CHRNB3: variants seen among roughly 807,000 people sequenced by gnomAD.
CHRNB3 encodes the protein neuronal acetylcholine receptor subunit beta-3.
A neutral mutation model predicts 40.6 loss-of-function variants in CHRNB3; 37 were observed. The ratio of observed to expected loss-of-function variants is 0.91; its 90% confidence interval spans 0.70 to 1.20. The LOEUF is 1.20. CHRNB3 is among the 50% of genes most tolerant of loss of function. The pLI, the probability that CHRNB3 is intolerant of heterozygous loss-of-function variation, is 0.00. For synonymous variants in CHRNB3, 207 were observed against 207.1 expected, an observed-to-expected ratio of 1.00 and a Z score of 0.00; for missense variants, 505 against 551.2, an observed-to-expected ratio of 0.92 and a Z score of 0.84.
At chr8:42,724,672 A>T (rs1451733240) in intron 3 of CHRNB3, among the ~76,000 whole-genome samples, 1 of 152,098 alleles carries the variant, frequency 6.6e-6, no homozygotes, top group Non-Finnish European at 1.5e-5. Flanking sequence ...ACGAGGCGGC[A>T]GCCAATGTAG....
At chr8:42,714,447 T>C (rs992718792) in intron 3 of CHRNB3, among the ~76,000 whole-genome samples, 5 of 151,986 alleles carry the variant, frequency 3.3e-5, no homozygotes, top group South Asian at 2.1e-4. Flanking sequence ...ATCGTGTTAC[T>C]GCACTCCAGC....
intron 3 of CHRNB3, among the ~76,000 whole-genome samples, chr8:42,726,480 CT>C (rs60852168): frequency 0.8 from 107,244 of 133,410 alleles, 43,406 homozygotes; most frequent in Non-Finnish European, 0.89. Flanking sequence ...AATTAAATGA[CT>C]TTTTTTTTTT....
chr8:42,713,903 C>T (rs1174934459), intron 3 of CHRNB3, among the ~76,000 whole-genome samples: 1 of 152,134 alleles, frequency 6.6e-6, no homozygotes, highest in East Asian at 1.9e-4. Flanking sequence ...CCATATGCAG[C>T]CTCCTTCCTG....
At chr8:42,734,978 T>A (rs1025504318) in intron 5 of CHRNB3, among the ~76,000 whole-genome samples, 2 of 151,770 alleles carry the variant, frequency 1.3e-5, no homozygotes, top group Non-Finnish European at 2.9e-5. Context: ...CCCAGCACTT[T>A]GGGAGGCCGA....
chr8:42,701,209 A>T (rs1815788912), intron 1 of CHRNB3, among the ~76,000 whole-genome samples: 1 of 106,472 alleles, frequency 9.4e-6, no homozygotes. Flanking sequence ...GCCTGGCGAC[A>T]GAGCGAGACT....
intron 3 of CHRNB3, among the ~76,000 whole-genome samples, chr8:42,710,743 C>T (rs1443000496): frequency 2.0e-5 from 3 of 152,136 alleles, no homozygotes; most frequent in Non-Finnish European, 4.4e-5. Context: ...CAACAAAGAG[C>T]CTCCAAGATG....
intron 3 of CHRNB3, among the ~76,000 whole-genome samples, chr8:42,723,076 C>T (rs1816247827): frequency 7.7e-6 from 1 of 129,386 alleles, no homozygotes; most frequent in Non-Finnish European, 1.7e-5. Context: ...AATAGGATAT[C>T]CTATTACTTA....
intron 2 of CHRNB3, among the ~76,000 whole-genome samples, 167 bp downstream of exon 2, chr8:42,709,035 G>A (rs945876082): frequency 1.3e-5 from 2 of 152,110 alleles, no homozygotes; most frequent in East Asian, 1.9e-4. Context: ...AGGAAAGAAC[G>A]AGAAGTTGTC....
At chr8:42,729,405 G>A (rs1292209392) in intron 3 of CHRNB3, among the ~76,000 whole-genome samples, 4 of 152,042 alleles carry the variant, frequency 2.6e-5, no homozygotes, top group African/African-American at 7.3e-5. Flanking sequence ...GCGAGACTCT[G>A]TCTCAAAAAC....
At chr8:42,715,642 A>G (rs1816086250) in intron 3 of CHRNB3, among the ~76,000 whole-genome samples, 1 of 152,108 alleles carries the variant, frequency 6.6e-6, no homozygotes, top group Admixed American at 6.5e-5. Context: ...TCCTGTTTCC[A>G]TAGCTCTCCT....
At chr8:42,725,728 G>C (rs559204151) in intron 3 of CHRNB3, 130 of 920,092 alleles carry the variant, frequency 1.4e-4, no homozygotes, top group Middle Eastern at 6.4e-4. Context: ...TGTGTTGTCT[G>C]TCAGAGGGAT....
In CHRNB3 at chr8:42,737,343, C is replaced by G. The variant is rs1020266708; in HGVS notation, c.*725C>G. 1.3e-5 allele frequency: 2 copies of G among 152,144 alleles called. No individual in the cohort carries two copies. Among genetic ancestry groups the G allele is most frequent in the Non-Finnish European group, 2.9e-5 (2 of 68,050 alleles). The allele number at this position is 152,144 out of a possible 1,614,324, so 9.4% of individuals were successfully genotyped here. ...AAATAACTCACAATAGAAACAAAGC[C>G]CTTTGCTACCAGAAGTGGATTCATT... On this transcript the variant is annotated 3_prime_UTR_variant, in exon 6 of 6. Coordinates refer to ENST00000289957, the MANE Select transcript of CHRNB3 (RefSeq NM_000749.5).
rs907061863 is a variant in CHRNB3, at chr8:42,736,638, C to G, written c.*20C>G. 6.2e-7 allele frequency: 1 copy of G among 1,613,906 alleles called. No homozygotes were observed. Among genetic ancestry groups the G allele is most frequent in the Non-Finnish European group, 8.5e-7 (1 of 1,179,854 alleles). ...CATTAGGAATTTAAAAGACATAAGA[C>G]TAAATTACACCTTAGACCTGACATC... On this transcript the variant is annotated 3_prime_UTR_variant, in exon 6 of 6. Coordinates refer to ENST00000289957, the MANE Select transcript of CHRNB3 (RefSeq NM_000749.5).
chr8:42,701,390 A>T (rs1016323281), intron 1 of CHRNB3, among the ~76,000 whole-genome samples: 1 of 151,926 alleles, frequency 6.6e-6, no homozygotes, highest in African/African-American at 2.4e-5. Flanking sequence ...CAAAAAATTT[A>T]AAAATTAGCC....
intron 1 of CHRNB3, among the ~76,000 whole-genome samples, chr8:42,701,132 G>A (rs962553037): frequency 6.8e-5 from 10 of 147,172 alleles, no homozygotes; most frequent in Non-Finnish European, 1.5e-4. Context: ...GGAGGCTGAG[G>A]CAGGAGAATT....
chr8:42,707,832 C>G (rs780675140), intron 1 of CHRNB3, among the ~76,000 whole-genome samples: 10 of 152,146 alleles, frequency 6.6e-5, no homozygotes, highest in Non-Finnish European at 1.3e-4. Flanking sequence ...GACCATGTGC[C>G]GACTCTGACA....
intron 5 of CHRNB3, among the ~76,000 whole-genome samples, chr8:42,734,991 C>A (rs989440370): frequency 1.3e-5 from 2 of 151,840 alleles, no homozygotes; most frequent in African/African-American, 2.4e-5. Context: ...GAGGCCGAGG[C>A]GGGCGGATCA....
At chr8:42,711,817 A>G (rs1816020977) in intron 3 of CHRNB3, among the ~76,000 whole-genome samples, 1 of 152,062 alleles carries the variant, frequency 6.6e-6, no homozygotes. Flanking sequence ...CCCAATAGGT[A>G]GTTTTTCAAC....
intron 5 of CHRNB3, among the ~76,000 whole-genome samples, chr8:42,733,290 A>T (rs1255019945): frequency 1.3e-5 from 2 of 152,036 alleles, no homozygotes; most frequent in African/African-American, 4.8e-5. Context: ...CAAGACCCTC[A>T]TCTCAGAAAA....
Sources: allele counts gnomAD v4.1 joint callset (sites outside exome capture counted in the v4.1 genomes callset), GRCh38; gene constraint gnomAD v4.1.1; transcripts MANE v1.5; gene names NCBI Gene and HGNC (gene_info 2026-07-23, HGNC 2026-07-21).